The following DOK6 variants were observed in gnomAD, a reference collection of about 807,000 sequenced individuals.
DOK6 encodes docking protein 6.
DOK6 carries 22 observed loss-of-function variants against 44.0 expected under a neutral mutation model. That is an observed-to-expected ratio of 0.50 (90% CI 0.36 to 0.71). The LOEUF (loss-of-function observed/expected upper bound fraction) is 0.71. Among genes scored for constraint, DOK6 ranks in the 30% least tolerant of loss-of-function variants. DOK6 has a pLI of 0.00. For synonymous variants in DOK6, 166 were observed against 145.5 expected, an observed-to-expected ratio of 1.14 and a Z score of -1.01; for missense variants, 340 against 416.4, an observed-to-expected ratio of 0.82 and a Z score of 1.60.
At chr18:69,467,283 T>C (rs2122482927) in intron 1 of DOK6, among the ~76,000 whole-genome samples, 1 of 152,276 alleles carries the variant, frequency 6.6e-6, no homozygotes. Flanking sequence ...CAACAATTCA[T>C]ATATAAGATC....
chr18:69,602,938 T>G (rs1426523450), intron 3 of DOK6, among the ~76,000 whole-genome samples: 1 of 152,254 alleles, frequency 6.6e-6, no homozygotes, highest in Non-Finnish European at 1.5e-5. Context: ...TGATATTCAT[T>G]ATTTCTCAAC....
intron 6 of DOK6, among the ~76,000 whole-genome samples, chr18:69,742,435 G>T (rs144537224): frequency 1.4e-5 from 2 of 144,302 alleles, no homozygotes. Flanking sequence ...AAAAGAAAAA[G>T]AAAAAGAAAA....
At chr18:69,770,897 A>G (rs1979869160) in intron 7 of DOK6, among the ~76,000 whole-genome samples, 2 of 151,962 alleles carry the variant, frequency 1.3e-5, no homozygotes, top group Admixed American at 1.3e-4. Flanking sequence ...ATGCTGACAT[A>G]TGGAGCCTCC....
At chr18:69,407,229 G>A (rs981722539) in intron 1 of DOK6, among the ~76,000 whole-genome samples, 10 of 152,156 alleles carry the variant, frequency 6.6e-5, no homozygotes, top group Admixed American at 2.0e-4. Context: ...TCTTTGGACT[G>A]TTTCTATTTA....
intron 5 of DOK6, among the ~76,000 whole-genome samples, chr18:69,711,993 C>A (rs915941098): frequency 6.6e-6 from 1 of 151,848 alleles, no homozygotes; most frequent in Non-Finnish European, 1.5e-5. Context: ...AAAAAATGAA[C>A]CTTTTCGGCC....
intron 3 of DOK6, among the ~76,000 whole-genome samples, chr18:69,637,373 G>A (rs1358700488): frequency 6.6e-6 from 1 of 152,180 alleles, no homozygotes; most frequent in Non-Finnish European, 1.5e-5. Flanking sequence ...GCCTTAAAAA[G>A]AGAGTAAAAG....
intron 3 of DOK6, among the ~76,000 whole-genome samples, chr18:69,630,518 CAAAT>C (rs1003480017): frequency 6.6e-6 from 1 of 152,102 alleles, no homozygotes; most frequent in Non-Finnish European, 1.5e-5. Context: ...AATCAGAACA[CAAAT>C]AGACTGTCAG....
intron 7 of DOK6, among the ~76,000 whole-genome samples, chr18:69,779,245 C>G (rs1980176843): frequency 6.6e-6 from 1 of 152,088 alleles, no homozygotes; most frequent in African/African-American, 2.4e-5. Flanking sequence ...TCCTTTTATA[C>G]CATTGCTTTC....
rs1260008835 is a variant in DOK6, at chr18:69,846,638, CAAAGTA to C, written c.*5259_*5264del. On this transcript the variant is annotated 3_prime_UTR_variant, in exon 8 of 8. Transcript: ENST00000382713. Reference sequence around the variant, plus strand: ...TTCAATCTTATCCTAAAGTGGTAGTCAAAGTAAAACACATTAAGTAGGTGTTTGTGT... The same window carrying C: ...TTCAATCTTATCCTAAAGTGGTAGTCAAACACATTAAGTAGGTGTTTGTGT... 1.3e-5 allele frequency: 2 copies of C among 152,090 alleles called. No individual in the cohort carries two copies. Among genetic ancestry groups the C allele is most frequent in the African/African-American group, 4.8e-5 (2 of 41,404 alleles). 9.4% of individuals were successfully genotyped at this position (152,090 alleles called of 1,614,324 possible). A position where few individuals can be genotyped will look rare whatever the true frequency, so the allele number is the denominator to read the frequency against.
rs150865615 is a variant in DOK6, at chr18:69,591,710, T to C, written c.175-7674T>C. ...ATCATTCCAAGATGATACAAAACCA[T>C]AATGGATAAAAGACTCATTAAAAGT... is the stretch of plus-strand genomic sequence containing the variant. On this transcript the variant is annotated intron_variant, in intron 2 of 7. Coordinates refer to ENST00000382713, the MANE Select transcript of DOK6 (RefSeq NM_152721.6). Among the ~76,000 whole-genome samples, 94 of 152,170 alleles carry C rather than the reference T, an allele frequency of 6.2e-4. No homozygotes were observed. The East Asian group carries it at 0.016, about 26-fold the overall frequency.
chr18:69,694,058 C>CAAAAAAAAAAAAAAAA (rs60662789), intron 4 of DOK6, among the ~76,000 whole-genome samples: 39 of 62,004 alleles, frequency 6.3e-4, no homozygotes, highest in East Asian at 2.8e-3. Flanking sequence ...GACTCCGTGT[C>CAAAAAAAAAAAAAAAA]AAAAAAAAAA....
intron 1 of DOK6, among the ~76,000 whole-genome samples, chr18:69,442,114 T>A (rs1372104674): frequency 3.3e-5 from 5 of 152,116 alleles, no homozygotes; most frequent in Admixed American, 6.6e-5. Flanking sequence ...TGTGTTTTTT[T>A]AAATTCACCA....
At chr18:69,732,380 T>G (rs528736398) in intron 5 of DOK6, among the ~76,000 whole-genome samples, 63 of 152,266 alleles carry the variant, frequency 4.1e-4, no homozygotes, top group African/African-American at 1.4e-3. Flanking sequence ...ATAAGGATAA[T>G]GGTAATTTGT....
rs1568142679 is a variant in DOK6, at chr18:69,841,290, C to A, written c.903C>A (p.Pro301=). 3 of 1,614,068 alleles carry A rather than the reference C, an allele frequency of 1.9e-6. No individual in the cohort carries two copies. The highest frequency in any genetic ancestry group is 8.5e-7 in the Non-Finnish European group (1 of 1,180,052). The part of the protein sequence containing the change: ...SSKMSRAQTF[P]SYAPEQSEEA... ...AGATGTCTCGTGCACAGACATTTCCCAGCTACGCCCCAGAACAGAGTGAAG... is the reference window on the plus strand; with the variant it reads ...AGATGTCTCGTGCACAGACATTTCCAAGCTACGCCCCAGAACAGAGTGAAG... The change falls in exon 8 of 8, where the codon CCC becomes CCA. Residue 301 remains proline, a synonymous_variant. Transcript: ENST00000382713.
At chr18:69,531,256 T>G (rs564120117) in intron 1 of DOK6, among the ~76,000 whole-genome samples, 125 of 146,898 alleles carry the variant, frequency 8.5e-4, no homozygotes, top group Non-Finnish European at 1.6e-3. Context: ...TAATATATAC[T>G]TACATATATA....
At chr18:69,535,033 T>A (rs536354060) in intron 1 of DOK6, among the ~76,000 whole-genome samples, 18 of 152,216 alleles carry the variant, frequency 1.2e-4, no homozygotes, top group Non-Finnish European at 2.1e-4. Context: ...TCAATGTGCT[T>A]CCCTGTGTCT....
At chr18:69,676,570 C>T (rs77575484) in intron 3 of DOK6, among the ~76,000 whole-genome samples, 5,792 of 152,214 alleles carry the variant, frequency 0.038, 174 homozygotes, top group East Asian at 0.094. Context: ...ATCCATATTA[C>T]ACTATTCTAG....
intron 1 of DOK6, among the ~76,000 whole-genome samples, chr18:69,430,718 G>A (rs1277391808): frequency 1.3e-5 from 2 of 152,102 alleles, no homozygotes; most frequent in African/African-American, 4.8e-5. Context: ...TATAATCCCA[G>A]CACTTTGGAA....
chr18:69,503,672 G>C (rs745672698), intron 1 of DOK6, among the ~76,000 whole-genome samples: 2 of 151,740 alleles, frequency 1.3e-5, no homozygotes, highest in Non-Finnish European at 2.9e-5. Context: ...AAGATATTTT[G>C]CTTTAGCTAA....
Sources: gnomAD v4.1 joint callset for allele counts (sites outside exome capture counted in the v4.1 genomes callset) on GRCh38, gnomAD v4.1.1 for gene constraint, MANE v1.5 for transcripts, NCBI Gene and HGNC (gene_info 2026-07-23, HGNC 2026-07-21) for gene names.